WDR19: variants seen among roughly 807,000 people sequenced by gnomAD.
WDR19 encodes the protein WD repeat-containing protein 19.
In WDR19, 121 loss-of-function variants were observed where a neutral mutation model predicts 180.0. The ratio of observed to expected loss-of-function variants is 0.67; its 90% CI spans 0.58 to 0.78. WDR19 has a LOEUF of 0.78. Among genes scored for constraint, WDR19 ranks in the 30% least tolerant of loss-of-function variants. The pLI is 0.00. For synonymous variants in WDR19, 497 were observed against 540.7 expected, an observed-to-expected ratio of 0.92 and a Z score of 1.12; for missense variants, 1,450 against 1,640.7, an observed-to-expected ratio of 0.88 and a Z score of 2.01.
chr4:39,217,683 C>T (rs778534370), intron 13 of WDR19, among the ~76,000 whole-genome samples: 4 of 152,126 alleles, frequency 2.6e-5, no homozygotes, highest in African/African-American at 2.4e-5. Context: ...GAAGAGGGGG[C>T]TTCTAAGTCA....
rs201198839 is a variant in WDR19, at chr4:39,182,568, A to G, written c.6+5A>G. 94 of 1,613,260 alleles carry G rather than the reference A, an allele frequency of 5.8e-5. No individual in the cohort carries two copies. The East Asian group carries it at 1.9e-3, about 33-fold the overall frequency. ...GGCTCGAGCGTGGAGATGAAGGTAA[A>G]TAACTTACAAATTCCCGGGGTGGGG... is the stretch of plus-strand genomic sequence containing the variant. On this transcript the variant is annotated splice_donor_5th_base_variant and intron_variant, in intron 1 of 36. Transcript: ENST00000399820.
At chr4:39,275,813 G>A (rs891514121) in intron 33 of WDR19, among the ~76,000 whole-genome samples, 5 of 152,128 alleles carry the variant, frequency 3.3e-5, no homozygotes, top group Non-Finnish European at 5.9e-5. Flanking sequence ...AATAGTGGAC[G>A]TTCAGTGGAA....
intron 21 of WDR19, among the ~76,000 whole-genome samples, chr4:39,243,358 G>A (rs915653237): frequency 2.6e-5 from 4 of 152,024 alleles, no homozygotes; most frequent in African/African-American, 9.7e-5. Context: ...AATTTTATAA[G>A]CAAAAAAATA....
Position 39,228,210 on chromosome 4 carries a change from G to A in WDR19, c.1630G>A (p.Val544Ile), listed in dbSNP as rs1402688771. The change falls in exon 16 of 37, where the codon GTC becomes ATC. Residue 544 changes from valine to isoleucine, a missense_variant and splice_region_variant. Coordinates refer to ENST00000399820, the MANE Select transcript of WDR19 (RefSeq NM_025132.4). ...EKSDGFVYCP[V>I]NDATYEIPDF... is the part of the protein sequence containing the mutation. ...CAAATCTGTAAATTTTATTTTGTAG[G>A]TCAATGACGCTACCTATGAGATTCC... 2 of 1,611,836 alleles carry A rather than the reference G, an allele frequency of 1.2e-6. No homozygotes were observed. Among genetic ancestry groups the A allele is most frequent in the Non-Finnish European group, 1.7e-6 (2 of 1,179,336 alleles).
rs1361187656 is a variant in WDR19 at position 39,194,657 on chromosome 4, T to C, written c.404T>C (p.Leu135Pro). Residue 135 changes from leucine (L) to proline (P), a missense_variant and splice_region_variant, in exon 5 of 37, where the codon CTT (leucine) becomes CCT (proline). Coordinates refer to ENST00000399820, the MANE Select transcript of WDR19 (RefSeq NM_025132.4). The stretch of plus-strand genomic sequence containing the variant: ...CAGACATCTCGAAAGATTCCTGTCC[T>C]TGGTAGGTGATAGCTGGAAACACTG... ...NHQTSRKIPV[L>P]GKHTKRITCG... is the part of the protein sequence containing the mutation. 8.1e-6 allele frequency: 13 copies of C among 1,598,204 alleles called. No individual in the cohort carries two copies. The highest frequency in any genetic ancestry group is 1.3e-5 in the African/African-American group (1 of 74,672).
chr4:39,239,948 G>A (rs950323124), intron 20 of WDR19, among the ~76,000 whole-genome samples: 1 of 151,982 alleles, frequency 6.6e-6, no homozygotes, highest in Non-Finnish European at 1.5e-5. Flanking sequence ...CCGAGGTGGT[G>A]GATCATTTGA....
chr4:39,210,907 C>T (rs994080188), intron 9 of WDR19, among the ~76,000 whole-genome samples: 6 of 152,088 alleles, frequency 3.9e-5, no homozygotes, highest in Non-Finnish European at 4.4e-5. Flanking sequence ...GAGGCCAAGG[C>T]GGGAGAATCA....
chr4:39,250,543 A>G (rs912462973), intron 24 of WDR19, among the ~76,000 whole-genome samples: 1 of 152,192 alleles, frequency 6.6e-6, no homozygotes, highest in African/African-American at 2.4e-5. Context: ...AGGGCATTCA[A>G]TTAGGAAAAG....
At chr4:39,281,205 A>ATG (rs144111830) in intron 36 of WDR19, among the ~76,000 whole-genome samples, 7 of 110,416 alleles carry the variant, frequency 6.3e-5, no homozygotes, top group Non-Finnish European at 8.7e-5. Context: ...CTAAATATAT[A>ATG]TGTGTGTGTG....
At chr4:39,281,368 G>A (rs1736524433) in intron 36 of WDR19, among the ~76,000 whole-genome samples, 1 of 151,410 alleles carries the variant, frequency 6.6e-6, no homozygotes. Context: ...AGGAGGGGTT[G>A]GGTTTTCTTC....
intron 26 of WDR19, among the ~76,000 whole-genome samples, chr4:39,255,385 G>A (rs11096985): frequency 0.081 from 12,299 of 152,098 alleles, 1,656 homozygotes; most frequent in African/African-American, 0.28. Context: ...CAACTCCCAC[G>A]GGTAAATGTA....
At chr4:39,280,224 A>G (rs959399105) in intron 36 of WDR19, among the ~76,000 whole-genome samples, 13 of 146,504 alleles carry the variant, frequency 8.9e-5, no homozygotes, top group Admixed American at 2.9e-4. Context: ...GGCCTCCCAA[A>G]GTGCTGGGAC....
intron 15 of WDR19, 143 bp from the exon 16 acceptor site, chr4:39,228,067 T>C: frequency 1.2e-6 from 1 of 800,210 alleles, no homozygotes; most frequent in South Asian, 2.7e-5. Context: ...AGAAACTTTC[T>C]TTCCTGTTGT....
chr4:39,198,961 G>A (rs1727080461), intron 5 of WDR19, among the ~76,000 whole-genome samples: 1 of 150,850 alleles, frequency 6.6e-6, no homozygotes, highest in Non-Finnish European at 1.5e-5. Context: ...TCACGCCACT[G>A]TACTCCAGCC....
At chr4:39,219,578 G>A (rs1434937602) in intron 14 of WDR19, among the ~76,000 whole-genome samples, 1 of 152,164 alleles carries the variant, frequency 6.6e-6, no homozygotes, top group Non-Finnish European at 1.5e-5. Context: ...CTTGCTAGCT[G>A]GTGCTTAACC....
At chr4:39,197,650 C>A (rs1726903698) in intron 5 of WDR19, among the ~76,000 whole-genome samples, 1 of 151,548 alleles carries the variant, frequency 6.6e-6, no homozygotes, top group South Asian at 2.1e-4. Context: ...CATGTGATTT[C>A]CCTGAAAAAA....
At chr4:39,232,297 A>G in intron 19 of WDR19, 25 bp downstream of exon 19, 1 of 1,574,104 alleles carries the variant, frequency 6.4e-7, no homozygotes, top group South Asian at 1.1e-5. Context: ...AAGAATGGAA[A>G]TTGTGTAAGA....
intron 19 of WDR19, 66 bp from the exon 20 acceptor site, chr4:39,234,700 C>T: frequency 1.0e-6 from 1 of 963,776 alleles, no homozygotes; most frequent in Admixed American, 2.0e-5. Flanking sequence ...TTAAAACTAG[C>T]TCTTTGTGGT....
chr4:39,228,053 A>G (rs1730455552), intron 15 of WDR19, among the ~76,000 whole-genome samples, 157 bp from the exon 16 acceptor site: 1 of 152,204 alleles, frequency 6.6e-6, no homozygotes, highest in Admixed American at 6.5e-5. Flanking sequence ...ATAGGAATGG[A>G]AAAAGAAACT....
Sources: gnomAD v4.1 joint callset for allele counts (sites outside exome capture counted in the v4.1 genomes callset) on GRCh38, gnomAD v4.1.1 for gene constraint, MANE v1.5 for transcripts, NCBI Gene and HGNC (gene_info 2026-07-23, HGNC 2026-07-21) for gene names.